Variants in RANBP2 observed in about 807,000 individuals in gnomAD.
The protein encoded by RANBP2 is RAN binding protein 2.
Under a neutral mutation model 303.6 loss-of-function variants are expected in RANBP2, and 57 were observed. That is an observed-to-expected ratio of 0.19 (90% confidence interval 0.15 to 0.23). The LOEUF is 0.23. RANBP2 is among the 10% of genes least tolerant of loss of function. The pLI is 1.00. For synonymous variants in RANBP2, 1,167 were observed against 1,301.5 expected, an observed-to-expected ratio of 0.90 and a Z score of 2.23; for missense variants, 3,138 against 3,780.8, an observed-to-expected ratio of 0.83 and a Z score of 4.46.
chr2:109,394,030 G>T, the RANBP2 span, among the ~76,000 whole-genome samples: 3 of 152,152 alleles, frequency 2.0e-5, no homozygotes, highest in Non-Finnish European at 4.4e-5. Context: ...GGAGCTGCGG[G>T]GAGAGAGTCT....
At chr2:109,475,272 C>G in the RANBP2 span, among the ~76,000 whole-genome samples, 102 of 152,298 alleles carry the variant, frequency 6.7e-4, no homozygotes, top group African/African-American at 2.4e-3. Context: ...CCACCACGCC[C>G]GGCTTCAGTA....
At chr2:109,463,707 CAA>C in the RANBP2 span, among the ~76,000 whole-genome samples, 2 of 152,142 alleles carry the variant, frequency 1.3e-5, no homozygotes, top group Non-Finnish European at 2.9e-5. Context: ...TCAAGCTACC[CAA>C]AGTTTTTAAC....
the RANBP2 span, among the ~76,000 whole-genome samples, chr2:109,630,028 T>G: frequency 6.6e-6 from 1 of 151,918 alleles, no homozygotes; most frequent in Non-Finnish European, 1.5e-5. Flanking sequence ...ATAACTACAG[T>G]GCAAGAAAGA....
At chr2:109,378,402 C>T in the RANBP2 span, among the ~76,000 whole-genome samples, 1 of 152,180 alleles carries the variant, frequency 6.6e-6, no homozygotes, top group Non-Finnish European at 1.5e-5. Context: ...ACTTTATGCA[C>T]CCCCACCTGA....
chr2:109,457,636 C>T, the RANBP2 span, among the ~76,000 whole-genome samples: 187 of 152,358 alleles, frequency 1.2e-3, no homozygotes, highest in African/African-American at 4.3e-3. Context: ...CCGGGAGCCC[C>T]GGCACAACTC....
chr2:109,286,947 C>T, the RANBP2 span, among the ~76,000 whole-genome samples: 1 of 152,196 alleles, frequency 6.6e-6, no homozygotes, highest in Non-Finnish European at 1.5e-5. Context: ...GTGGACCCTG[C>T]CCAGGTGGTT....
At chr2:108,746,103 C>G (rs1379809993) in intron 7 of RANBP2, among the ~76,000 whole-genome samples, 2 of 151,548 alleles carry the variant, frequency 1.3e-5, no homozygotes, top group Admixed American at 6.6e-5. Context: ...GAGATAGGGT[C>G]TCACCGTGTT....
At chr2:109,096,665 TTAAA>T in the RANBP2 span, among the ~76,000 whole-genome samples, 1 of 152,082 alleles carries the variant, frequency 6.6e-6, no homozygotes, top group African/African-American at 2.4e-5. Flanking sequence ...AGAATAGGAG[TTAAA>T]TGAATGGACT....
chr2:109,615,885 G>A, the RANBP2 span: 2 of 1,613,324 alleles, frequency 1.2e-6, no homozygotes, highest in Non-Finnish European at 1.7e-6. Flanking sequence ...CAGCTCTAGT[G>A]GACGTATAAA....
the RANBP2 span, among the ~76,000 whole-genome samples, chr2:109,201,933 A>G: frequency 6.6e-6 from 1 of 152,236 alleles, no homozygotes; most frequent in African/African-American, 2.4e-5. Context: ...CCGTGGCATC[A>G]TAAAAAAACT....
At chr2:109,248,388 G>A in the RANBP2 span, among the ~76,000 whole-genome samples, 3 of 152,090 alleles carry the variant, frequency 2.0e-5, no homozygotes, top group Non-Finnish European at 4.4e-5. Context: ...TCATGATTAT[G>A]TGTTATCGCT....
intron 19 of RANBP2, among the ~76,000 whole-genome samples, 182 bp downstream of exon 19, chr2:108,762,377 A>G (rs878951886): frequency 1.1e-5 from 1 of 88,268 alleles, no homozygotes; most frequent in Non-Finnish European, 2.2e-5. Flanking sequence ...TTTTGTGTTA[A>G]TAAGTGTGAA....
the RANBP2 span, among the ~76,000 whole-genome samples, chr2:109,479,290 G>C: frequency 3.4e-3 from 523 of 152,014 alleles, 17 homozygotes; most frequent in East Asian, 0.06. Context: ...CTGTGACTTA[G>C]TTAGGGGAGT....
chr2:108,999,737 TTAAG>T, the RANBP2 span, among the ~76,000 whole-genome samples: 1 of 152,300 alleles, frequency 6.6e-6, no homozygotes, highest in East Asian at 1.9e-4. Flanking sequence ...AAGGCAAAGA[TTAAG>T]TAGTTTTTTA....
the RANBP2 span, among the ~76,000 whole-genome samples, chr2:109,707,364 T>C: frequency 0.75 from 114,479 of 152,136 alleles, 48,316 homozygotes; most frequent in East Asian, 0.98. Flanking sequence ...AGATTTGACA[T>C]AGCACCATTG....
chr2:109,373,687 G>C, the RANBP2 span, among the ~76,000 whole-genome samples: 3 of 152,180 alleles, frequency 2.0e-5, no homozygotes, highest in Admixed American at 6.5e-5. Flanking sequence ...CTGCAGAAAG[G>C]TTTCGTGTCC....
At chr2:108,838,296 C>T in the RANBP2 span, among the ~76,000 whole-genome samples, 16 of 152,194 alleles carry the variant, frequency 1.1e-4, no homozygotes, top group East Asian at 2.9e-3. Flanking sequence ...TTTTTTAAGA[C>T]GTCCAAAACA....
the RANBP2 span, among the ~76,000 whole-genome samples, chr2:109,429,882 G>A: frequency 6.6e-6 from 1 of 152,208 alleles, no homozygotes; most frequent in Non-Finnish European, 1.5e-5. Flanking sequence ...GCTGTGCAGG[G>A]AGCCTGCAGT....
chr2:108,816,056 A>G, the RANBP2 span: 4 of 1,613,268 alleles, frequency 2.5e-6, no homozygotes, highest in South Asian at 1.1e-5. Context: ...AAAAAACCAC[A>G]ACTCAAATTT....
Sources: gnomAD v4.1 joint callset for allele counts (sites outside exome capture counted in the v4.1 genomes callset) on GRCh38, gnomAD v4.1.1 for gene constraint, MANE v1.5 for transcripts, NCBI Gene and HGNC (gene_info 2026-07-23, HGNC 2026-07-21) for gene names.